Variants in WRN observed in about 807,000 individuals in gnomAD.
WRN encodes bifunctional 3'-5' exonuclease/ATP-dependent helicase WRN.
WRN carries 149 observed loss-of-function variants against 180.7 expected under a neutral mutation model. That is an observed-to-expected ratio of 0.82 (90% CI 0.72 to 0.94). The LOEUF (loss-of-function observed/expected upper bound fraction) is 0.94, where lower values mean the gene tolerates loss of function less well. WRN is among the 40% of genes least tolerant of loss of function. The pLI is 0.00. For missense variants in WRN, 1,661 were observed against 1,700.1 expected (o/e 0.98, Z 0.40); for synonymous variants, 548 against 568.9 (o/e 0.96, Z 0.52).
At chr8:31,150,913 G>GT (rs1259817328) in intron 31 of WRN, among the ~76,000 whole-genome samples, 1 of 152,132 alleles carries the variant, frequency 6.6e-6, no homozygotes, top group Non-Finnish European at 1.5e-5. Flanking sequence ...ATTCTCTTCA[G>GT]TTTTAATAGT....
At chr8:31,131,958 CTTTT>C (rs71208103) in intron 23 of WRN, among the ~76,000 whole-genome samples, 18 of 123,118 alleles carry the variant, frequency 1.5e-4, no homozygotes, top group Admixed American at 3.4e-4. Flanking sequence ...AGCTGAAAGG[CTTTT>C]TTTTTTTTTT....
At chr8:31,115,482 A>G (rs887129018) in intron 19 of WRN, among the ~76,000 whole-genome samples, 1 of 152,090 alleles carries the variant, frequency 6.6e-6, no homozygotes, top group East Asian at 1.9e-4. Flanking sequence ...GAACATTTAG[A>G]TGACTTTTTA....
At chr8:31,136,816 G>A (rs141485481) in intron 24 of WRN, among the ~76,000 whole-genome samples, 14 of 151,132 alleles carry the variant, frequency 9.3e-5, no homozygotes, top group African/African-American at 3.2e-4. Flanking sequence ...CAGCCTGGGT[G>A]ACAGAGCAAT....
At chr8:31,068,115 T>G (rs1015488242) in intron 6 of WRN, 143 bp from the exon 7 acceptor site, 1 of 635,638 alleles carries the variant, frequency 1.6e-6, no homozygotes, top group African/African-American at 1.8e-5. Context: ...TGAGGACATA[T>G]TGATATTTGT....
chr8:31,160,676 G>A (rs1367658839), intron 33 of WRN, among the ~76,000 whole-genome samples: 1 of 152,096 alleles, frequency 6.6e-6, no homozygotes, highest in Non-Finnish European at 1.5e-5. Context: ...TGAGTAATAG[G>A]CAATATTCTC....
intron 18 of WRN, among the ~76,000 whole-genome samples, chr8:31,104,905 A>G (rs75462781): frequency 0.022 from 3,402 of 152,292 alleles, 116 homozygotes; most frequent in African/African-American, 0.078. Flanking sequence ...TAGCGAGGCA[A>G]TGGTGCCTTC....
intron 34 of WRN, 105 bp downstream of exon 34, chr8:31,167,335 A>G: frequency 1.1e-6 from 1 of 938,588 alleles, no homozygotes; most frequent in African/African-American, 1.6e-5. Flanking sequence ...TTCTGATATG[A>G]TTACTTTCTC....
intron 20 of WRN, among the ~76,000 whole-genome samples, chr8:31,117,843 A>G (rs890217636): frequency 4.6e-5 from 7 of 152,182 alleles, no homozygotes; most frequent in Admixed American, 2.0e-4. Context: ...CTTTCCAAAG[A>G]TAAGAATACC....
chr8:31,039,494 A>G (rs1430890409), intron 1 of WRN, among the ~76,000 whole-genome samples: 3 of 152,100 alleles, frequency 2.0e-5, no homozygotes, highest in Non-Finnish European at 2.9e-5. Flanking sequence ...TGTCATCTGT[A>G]TATAGAGATA....
chr8:31,036,975 C>G (rs556410999), intron 1 of WRN, among the ~76,000 whole-genome samples: 6 of 152,144 alleles, frequency 3.9e-5, no homozygotes. Context: ...CTGGTTTCAT[C>G]GAAGACAATT....
intron 22 of WRN, 136 bp from the exon 23 acceptor site, chr8:31,124,772 G>C: frequency 1.7e-6 from 2 of 1,195,786 alleles, no homozygotes; most frequent in Non-Finnish European, 1.2e-6. Flanking sequence ...ACTTCTTTGT[G>C]TCTGAGTAAA....
Position 31,045,698 on chromosome 8 carries a change from G to A in WRN, c.-77+11725G>A, listed in dbSNP as rs1423618767. 2.0e-5 allele frequency among the ~76,000 whole-genome samples: 3 copies of A among 152,038 alleles called. No individual in the cohort carries two copies. The East Asian group carries it at 5.8e-4, about 29-fold the overall frequency. ...ATTACAGGTGTGAGCCACCTCACCT[G>A]GCACACACTATTTTAATTACTGTAG... On this transcript the variant is annotated intron_variant, in intron 1 of 34. Transcript: ENST00000298139.
At chr8:31,144,528 G>T (rs553441955) in intron 28 of WRN, among the ~76,000 whole-genome samples, 1 of 152,046 alleles carries the variant, frequency 6.6e-6, no homozygotes, top group African/African-American at 2.4e-5. Flanking sequence ...GTAGAGATGG[G>T]TTTTTGCCGT....
chr8:31,059,224 T>C lies in WRN; in HGVS notation c.168T>C (p.Ser56=). The C allele has an allele frequency of 6.2e-7, 1 of 1,613,878 alleles. No homozygotes were observed. The highest frequency in any genetic ancestry group is 2.2e-5 in the East Asian group (1 of 44,784). Residue 56 remains serine, a synonymous_variant, in exon 3 of 35, where the codon AGT becomes AGC. Coordinates refer to ENST00000298139, the MANE Select transcript of WRN (RefSeq NM_000553.6). ...FLEFTGSIVY[S]YDASDCSFLS... ...AATTCACTGGATCCATTGTGTATAGTTACGATGCTAGTGATTGCTCTTTCC... is the reference window on the plus strand; with the variant it reads ...AATTCACTGGATCCATTGTGTATAGCTACGATGCTAGTGATTGCTCTTTCC...
At chr8:31,166,899 A>G in intron 33 of WRN, 123 bp from the exon 34 acceptor site, 1 of 966,380 alleles carries the variant, frequency 1.0e-6, no homozygotes, top group East Asian at 2.6e-5. Flanking sequence ...TTGAAAGAGG[A>G]AACTTTTCTT....
intron 30 of WRN, 29 bp from the exon 31 acceptor site, chr8:31,150,312 G>T (rs779921582): frequency 6.9e-6 from 10 of 1,448,276 alleles, no homozygotes; most frequent in Non-Finnish European, 9.7e-6. Context: ...TGACCTTTTT[G>T]TTGTTGTTGT....
chr8:31,104,263 A>G (rs1244660744), intron 18 of WRN, among the ~76,000 whole-genome samples: 1 of 152,152 alleles, frequency 6.6e-6, no homozygotes, highest in Non-Finnish European at 1.5e-5. Flanking sequence ...CCATTTCGAT[A>G]GGTGTCGAGT....
chr8:31,105,264 A>C (rs1801049484), intron 18 of WRN, among the ~76,000 whole-genome samples: 1 of 152,104 alleles, frequency 6.6e-6, no homozygotes, highest in Non-Finnish European at 1.5e-5. Flanking sequence ...TTTTTCTTGA[A>C]ATAATTCTTT....
Position 31,059,273 on chromosome 8 carries a change from A to G in WRN, c.209+8A>G, listed in dbSNP as rs757761103. The G allele has an allele frequency of 6.2e-7, 1 of 1,604,706 alleles. No individual in the cohort carries two copies. The highest frequency in any genetic ancestry group is 8.5e-7 in the Non-Finnish European group (1 of 1,171,676). ...CCTGTCAGAAGATATTAGGTAAGTG[A>G]TTTGAATTTCCTGATTTTATTTGAA... is the stretch of plus-strand genomic sequence containing the variant. On this transcript the variant is annotated splice_region_variant and intron_variant, in intron 3 of 34. Transcript: ENST00000298139.
Sources: gnomAD v4.1 joint callset for allele counts (sites outside exome capture counted in the v4.1 genomes callset) on GRCh38, gnomAD v4.1.1 for gene constraint, MANE v1.5 for transcripts, NCBI Gene and HGNC (gene_info 2026-07-23, HGNC 2026-07-21) for gene names.